Variants in EXTL3 observed in about 807,000 individuals in gnomAD.
EXTL3 encodes exostosin like glycosyltransferase 3, also known as exostosin-like 3.
In EXTL3, 27 loss-of-function variants were observed where a neutral mutation model predicts 69.3. That is an observed-to-expected ratio of 0.39 (90% CI 0.29 to 0.54). EXTL3 has a LOEUF of 0.54. Ranked by LOEUF, EXTL3 falls within the 20% of genes least tolerant of loss-of-function variation. The pLI is 0.69. For missense variants in EXTL3, 1,003 were observed against 1,231.8 expected, an observed-to-expected ratio of 0.81 and a Z score of 2.78; for synonymous variants, 511 against 499.4, an observed-to-expected ratio of 1.02 and a Z score of -0.31.
chr8:28,652,312 C>G (rs1806936401), intron 1 of EXTL3, among the ~76,000 whole-genome samples: 1 of 151,976 alleles, frequency 6.6e-6, no homozygotes, highest in Admixed American at 6.6e-5. Context: ...CAGCAATGTC[C>G]AAGGGTTCCC....
At position 28,701,617 on chromosome 8, in the gene EXTL3, AGGCGGC is replaced by A. The variant is rs537721750; in HGVS notation, c.-594_-589del. The A allele has an allele frequency of 1.7e-4, 28 of 161,686 alleles. No homozygotes were observed. The highest frequency in any genetic ancestry group is 4.3e-4 in the African/African-American group (18 of 41,486). 10.0% of individuals were successfully genotyped at this position (161,686 alleles called of 1,614,324 possible). ...GCTTCTGGGACGCCGACTTTCGCGC[AGGCGGC>A]GGCGGCGGCGGCGGCGGGTCCCTGA... is the stretch of plus-strand genomic sequence containing the variant. On this transcript the variant is annotated 5_prime_UTR_variant, in exon 1 of 7. Coordinates refer to ENST00000220562, the MANE Select transcript of EXTL3 (RefSeq NM_001440.4).
rs17059313 is a variant in EXTL3 at position 28,708,985 on chromosome 8, C to T, written c.-569-4472C>T. Among the ~76,000 whole-genome samples the T allele has an allele frequency of 7.7e-3, 1,168 of 152,110 alleles. 4 individuals are homozygous for T. Among genetic ancestry groups the T allele is most frequent in the Middle Eastern group, 0.02 (6 of 294 alleles). The stretch of plus-strand genomic sequence containing the variant: ...TTGTAATTATTATTCATGGTTACAG[C>T]GGAGTAGCAGTGATATGGAGAATGT... On this transcript the variant is annotated intron_variant, in intron 1 of 6. Coordinates refer to ENST00000220562, the MANE Select transcript of EXTL3 (RefSeq NM_001440.4).
At chr8:28,672,717 G>T (rs1434998058) in intron 1 of EXTL3, among the ~76,000 whole-genome samples, 4 of 152,124 alleles carry the variant, frequency 2.6e-5, no homozygotes, top group Non-Finnish European at 5.9e-5. Flanking sequence ...TCAGAATCAC[G>T]GACTGAGTAT....
At chr8:28,620,432 G>A (rs1386310643), upstream of EXTL3, among the ~76,000 whole-genome samples, 4 of 152,180 alleles carry the variant, frequency 2.6e-5, no homozygotes, top group Admixed American at 1.3e-4. Context: ...GATTGTGTGT[G>A]CCATCCAAGA....
intron 1 of EXTL3, among the ~76,000 whole-genome samples, chr8:28,628,853 A>G (rs1411263874): frequency 6.6e-6 from 1 of 152,016 alleles, no homozygotes; most frequent in East Asian, 1.9e-4. Context: ...GGGGTTTCAC[A>G]GTGTTGGCCA....
intron 5 of EXTL3, 23 bp downstream of exon 5, chr8:28,737,686 G>C: frequency 6.2e-7 from 1 of 1,613,740 alleles, no homozygotes; most frequent in Non-Finnish European, 8.5e-7. Context: ...TGGTAATAAT[G>C]GCATCGACTT....
At chr8:28,685,817 A>G (rs1277181952) in intron 1 of EXTL3, 2 of 150,608 alleles carry the variant, frequency 1.3e-5, no homozygotes, top group African/African-American at 2.4e-5. Context: ...TATATTATGT[A>G]TGTGTGTGTG....
At chr8:28,687,332 G>T (rs538231010) in intron 1 of EXTL3, among the ~76,000 whole-genome samples, 1 of 152,148 alleles carries the variant, frequency 6.6e-6, no homozygotes, top group Non-Finnish European at 1.5e-5. Flanking sequence ...CAGGTGCAGC[G>T]GCATGCGCCT....
At chr8:28,610,577 G>T (rs10098602) in intron 2 of EXTL3, among the ~76,000 whole-genome samples, 43,721 of 151,794 alleles carry the variant, frequency 0.29, 6,448 homozygotes, top group African/African-American at 0.33. Context: ...ACAGTTATCG[G>T]GCGCTTTCAT....
At position 28,752,925 on chromosome 8, in the gene EXTL3, C is replaced by G. The variant is rs193050903; in HGVS notation, c.*2059C>G. 1 of 152,806 alleles carries G rather than the reference C, an allele frequency of 6.5e-6. No individual in the cohort carries two copies. Among genetic ancestry groups the G allele is most frequent in the Non-Finnish European group, 1.5e-5 (1 of 68,258 alleles). 9.5% of individuals were successfully genotyped at this position (152,806 alleles called of 1,614,324 possible). A position where few individuals can be genotyped will look rare whatever the true frequency, so the allele number is the denominator to read the frequency against. On this transcript the variant is annotated 3_prime_UTR_variant, in exon 7 of 7. Coordinates refer to ENST00000220562, the MANE Select transcript of EXTL3 (RefSeq NM_001440.4). ...GCCGGGGCCGTCTGTGTGGTGGGAC[C>G]CCCTTTAGCGGGACTCAGTGAGCTG...
At chr8:28,619,587 G>A (rs964483829), upstream of EXTL3, among the ~76,000 whole-genome samples, 2 of 151,874 alleles carry the variant, frequency 1.3e-5, no homozygotes, top group Non-Finnish European at 2.9e-5. Flanking sequence ...AACCCCTAAG[G>A]GCTGTTTCTT....
Position 28,750,968 on chromosome 8 carries a change from C to A in EXTL3, c.*102C>A. The A allele has an allele frequency of 1.0e-6, 1 of 995,290 alleles. No homozygotes were observed. Among genetic ancestry groups the A allele is most frequent in the East Asian group, 2.5e-5 (1 of 39,814 alleles). The allele number at this position is 995,290 out of a possible 1,614,324, so 61.7% of individuals were successfully genotyped here. On this transcript the variant is annotated 3_prime_UTR_variant, in exon 7 of 7. Transcript: ENST00000220562. The surrounding 1 kb of genome is among the most constrained non-coding windows in gnomAD (Gnocchi z 5.2). ...CTTGGGCACATCTGCTGGTGGGTGGCCCAGAGCCTCTGCTGGAAGGGGCAG... is the reference window on the plus strand; with the variant it reads ...CTTGGGCACATCTGCTGGTGGGTGGACCAGAGCCTCTGCTGGAAGGGGCAG...
At chr8:28,647,760 G>A (rs920241501) in intron 1 of EXTL3, among the ~76,000 whole-genome samples, 2 of 152,106 alleles carry the variant, frequency 1.3e-5, no homozygotes, top group African/African-American at 4.8e-5. Flanking sequence ...TTATGTTAAA[G>A]TATTTAATTA....
At chr8:28,743,323 A>G (rs1801818300) in intron 6 of EXTL3, 109 bp downstream of exon 6, 4 of 1,229,690 alleles carry the variant, frequency 3.3e-6, no homozygotes, top group Admixed American at 1.7e-5. Context: ...CATTTGTACA[A>G]TAGGGATGAT....
intron 1 of EXTL3, among the ~76,000 whole-genome samples, chr8:28,702,398 G>T (rs1363003148): frequency 6.6e-6 from 1 of 152,214 alleles, no homozygotes; most frequent in Non-Finnish European, 1.5e-5. Context: ...CAGCGACGGG[G>T]ACAGCACCTA....
intron 2 of EXTL3, among the ~76,000 whole-genome samples, chr8:28,714,419 G>T (rs1801097767): frequency 6.6e-6 from 1 of 152,098 alleles, no homozygotes; most frequent in African/African-American, 2.4e-5. Context: ...CTTTGACAGA[G>T]GTAGAAGCTA....
chr8:28,679,077 A>C (rs552188308), intron 1 of EXTL3, among the ~76,000 whole-genome samples: 27 of 152,312 alleles, frequency 1.8e-4, no homozygotes, highest in Non-Finnish European at 1.5e-5. Flanking sequence ...AGAACAGTAC[A>C]TTGAGTAGAT....
chr8:28,699,133 C>CACT (rs1161116929), upstream of EXTL3, among the ~76,000 whole-genome samples: 1 of 152,172 alleles, frequency 6.6e-6, no homozygotes, highest in Non-Finnish European at 1.5e-5. Flanking sequence ...CGCACTACTG[C>CACT]ACTACTACAC....
intron 1 of EXTL3, among the ~76,000 whole-genome samples, chr8:28,689,637 G>T (rs533729148): frequency 6.6e-6 from 1 of 152,292 alleles, no homozygotes; most frequent in East Asian, 1.9e-4. Flanking sequence ...GCATTTCAAA[G>T]AGTTCATATC....
Sources: allele counts gnomAD v4.1 joint callset (sites outside exome capture counted in the v4.1 genomes callset), GRCh38; gene constraint gnomAD v4.1.1; non-coding constraint Gnocchi (gnomAD v3.1); transcripts MANE v1.5; gene names NCBI Gene and HGNC (gene_info 2026-07-23, HGNC 2026-07-21).